The following NRXN3 variants were observed in gnomAD, a reference collection of about 807,000 sequenced individuals.
NRXN3 encodes neurexin III.
A neutral mutation model predicts 137.6 loss-of-function variants in NRXN3; 32 were observed. The observed-to-expected ratio is 0.23, with a 90% confidence interval of 0.18 to 0.31. The LOEUF is 0.31. Ranked by LOEUF, NRXN3 falls within the 10% of genes least tolerant of loss-of-function variation. NRXN3 has a pLI of 1.00. For missense variants in NRXN3, 1,574 were observed against 2,062.5 expected (o/e 0.76, Z 4.59); for synonymous variants, 798 against 784.5 (o/e 1.02, Z -0.29).
intron 15 of NRXN3, among the ~76,000 whole-genome samples, chr14:79,371,225 C>T (rs1566937500): frequency 6.6e-6 from 1 of 152,062 alleles, no homozygotes. Flanking sequence ...TTTTTTTCTA[C>T]CCTTTAGTCA....
At chr14:79,007,692 G>A (rs1006683162) in intron 15 of NRXN3, among the ~76,000 whole-genome samples, 2 of 150,474 alleles carry the variant, frequency 1.3e-5, no homozygotes, top group African/African-American at 4.9e-5. Context: ...TATAGTCCCA[G>A]CTACTTGGGA....
At chr14:78,948,154 C>A (rs1269088235) in intron 10 of NRXN3, among the ~76,000 whole-genome samples, 1 of 152,116 alleles carries the variant, frequency 6.6e-6, no homozygotes, top group Non-Finnish European at 1.5e-5. Flanking sequence ...AGTGAAGGAG[C>A]AGGGAGAGTA....
intron 10 of NRXN3, among the ~76,000 whole-genome samples, chr14:78,885,955 A>G (rs1199388071): frequency 6.6e-6 from 1 of 152,122 alleles, no homozygotes; most frequent in Admixed American, 6.5e-5. Context: ...AGAGGATCCA[A>G]GGTGACAGAG....
chr14:78,565,511 C>T lies in NRXN3; in HGVS notation c.758-79609C>T, dbSNP rs183917321. 2.6e-5 allele frequency among the ~76,000 whole-genome samples: 4 copies of T among 152,342 alleles called. No homozygotes were observed. The East Asian group carries it at 5.8e-4, about 22-fold the overall frequency. On this transcript the variant is annotated intron_variant, in intron 4 of 20. Transcript: ENST00000335750. ...TTTCAAGTTCAAGTCCATAAGCAGACAGGAATAGAATCCCACAAGAGTTTG... is the reference window on the plus strand; with the variant it reads ...TTTCAAGTTCAAGTCCATAAGCAGATAGGAATAGAATCCCACAAGAGTTTG...
Position 78,651,339 on chromosome 14 carries a change from C to T in NRXN3, c.1221+13C>T, listed in dbSNP as rs1304079308. ...CTGCCTTAAAGAGGTAAAGTTCACC[C>T]AATTCTATTTAATGCACCATGTGAT... On this transcript the variant is annotated intron_variant, in intron 6 of 20. Coordinates refer to ENST00000335750, the MANE Select transcript of NRXN3 (RefSeq NM_001330195.2). 4 of 1,613,022 alleles carry T rather than the reference C, an allele frequency of 2.5e-6. No homozygotes were observed. In the East Asian group the frequency reaches 8.9e-5, roughly 36 times the overall value.
At chr14:79,693,140 C>T (rs2098722402) in intron 18 of NRXN3, among the ~76,000 whole-genome samples, 1 of 151,876 alleles carries the variant, frequency 6.6e-6, no homozygotes, top group South Asian at 2.1e-4. Flanking sequence ...CATTGTTTTT[C>T]AATGAAAAAC....
At chr14:79,631,320 G>GCT (rs2098342542) in intron 16 of NRXN3, among the ~76,000 whole-genome samples, 1 of 152,244 alleles carries the variant, frequency 6.6e-6, no homozygotes, top group Admixed American at 6.5e-5. Context: ...GCCCTCGCTC[G>GCT]CTCTTGGCGC....
intron 10 of NRXN3, among the ~76,000 whole-genome samples, chr14:78,853,194 T>C (rs1169027104): frequency 6.6e-6 from 1 of 152,132 alleles, no homozygotes; most frequent in Non-Finnish European, 1.5e-5. Context: ...ATGAGGTATA[T>C]CTCCTAATGC....
At chr14:79,661,764 T>C (rs534581536) in intron 16 of NRXN3, 41 of 151,056 alleles carry the variant, frequency 2.7e-4, no homozygotes, top group African/African-American at 9.8e-4. Flanking sequence ...TTTTCCTCCT[T>C]CTCTTCCTTT....
chr14:79,409,703 T>A (rs1262688623), intron 15 of NRXN3, among the ~76,000 whole-genome samples: 1 of 149,394 alleles, frequency 6.7e-6, no homozygotes, highest in Non-Finnish European at 1.5e-5. Context: ...AAGACCCATA[T>A]GACAATATTA....
chr14:79,827,662 G>A (rs921904313), intron 20 of NRXN3, among the ~76,000 whole-genome samples: 30 of 151,014 alleles, frequency 2.0e-4, no homozygotes, highest in African/African-American at 7.0e-4. Context: ...GGCCAGAGCA[G>A]GAACAAGCAG....
At chr14:79,791,090 A>G (rs1317233862) in intron 19 of NRXN3, 1 of 152,186 alleles carries the variant, frequency 6.6e-6, no homozygotes, top group African/African-American at 2.4e-5. Context: ...TTATATTTCA[A>G]TATGAGATTT....
At chr14:79,289,945 C>T (rs2082893293) in intron 15 of NRXN3, among the ~76,000 whole-genome samples, 2 of 152,104 alleles carry the variant, frequency 1.3e-5, no homozygotes, top group South Asian at 4.1e-4. Context: ...AAACATAAAG[C>T]CCCTGGAAAC....
At chr14:78,990,345 G>A (rs1167584770) in intron 15 of NRXN3, among the ~76,000 whole-genome samples, 1 of 147,430 alleles carries the variant, frequency 6.8e-6, no homozygotes, top group African/African-American at 2.5e-5. Context: ...ACATGCAAAT[G>A]ATGAAGTTCA....
At chr14:79,826,018 G>T (rs1192201325) in intron 20 of NRXN3, among the ~76,000 whole-genome samples, 2 of 151,744 alleles carry the variant, frequency 1.3e-5, no homozygotes, top group Non-Finnish European at 1.5e-5. Flanking sequence ...TTTGTGGGGG[G>T]ACAGTCTCAC....
intron 19 of NRXN3, among the ~76,000 whole-genome samples, chr14:79,721,363 G>T (rs1356829814): frequency 6.6e-6 from 1 of 152,062 alleles, no homozygotes; most frequent in Non-Finnish European, 1.5e-5. Context: ...CAAAACGTTG[G>T]AGTGCACAGG....
intron 15 of NRXN3, among the ~76,000 whole-genome samples, chr14:79,053,445 T>C (rs970901545): frequency 6.6e-6 from 1 of 152,198 alleles, no homozygotes; most frequent in African/African-American, 2.4e-5. Context: ...TTAGCCATGA[T>C]ACTATAATGC....
At chr14:79,733,629 A>T (rs1429420114) in intron 19 of NRXN3, among the ~76,000 whole-genome samples, 1 of 151,916 alleles carries the variant, frequency 6.6e-6, no homozygotes, top group Admixed American at 6.6e-5. Context: ...GACACAATGA[A>T]GGGACCATAC....
intron 1 of NRXN3, among the ~76,000 whole-genome samples, chr14:78,197,215 C>T (rs558317656): frequency 6.1e-4 from 93 of 152,214 alleles, no homozygotes; most frequent in Non-Finnish European, 1.0e-3. Context: ...CCAGACTCTT[C>T]GCTCAGTGGC....
Sources: allele counts gnomAD v4.1 joint callset (sites outside exome capture counted in the v4.1 genomes callset), GRCh38; gene constraint gnomAD v4.1.1; transcripts MANE v1.5; gene names NCBI Gene and HGNC (gene_info 2026-07-23, HGNC 2026-07-21).